The following ESR1 variants were observed in gnomAD, a reference collection of about 807,000 sequenced individuals.
ESR1 encodes the protein estrogen receptor.
ESR1 carries 12 observed loss-of-function variants against 52.7 expected under a neutral mutation model. The ratio of observed to expected loss-of-function variants is 0.23; its 90% CI spans 0.15 to 0.37. The LOEUF (loss-of-function observed/expected upper bound fraction) is 0.37, where lower values mean the gene tolerates loss of function less well. Ranked by LOEUF, ESR1 falls within the 10% of genes least tolerant of loss-of-function variation. The pLI, the probability that ESR1 is intolerant of heterozygous loss-of-function variation, is 1.00. For synonymous variants in ESR1, 305 were observed against 316.8 expected (o/e 0.96, Z 0.39); for missense variants, 584 against 779.7 (o/e 0.75, Z 2.99).
At chr6:151,914,040 T>C (rs1463528694) in intron 3 of ESR1, among the ~76,000 whole-genome samples, 2 of 152,174 alleles carry the variant, frequency 1.3e-5, no homozygotes, top group Non-Finnish European at 2.9e-5. Flanking sequence ...TCAGGATCTC[T>C]GTGTTCTATT....
At chr6:151,766,124 C>T (rs1019886387) in intron 2 of ESR1, among the ~76,000 whole-genome samples, 2 of 152,122 alleles carry the variant, frequency 1.3e-5, no homozygotes, top group Non-Finnish European at 2.9e-5. Flanking sequence ...AAGAAATTAA[C>T]AATAAAATAT....
At chr6:151,821,821 G>A (rs6917746) in intron 1 of ESR1, among the ~76,000 whole-genome samples, 34,408 of 152,050 alleles carry the variant, frequency 0.23, 4,897 homozygotes, top group African/African-American at 0.41. Flanking sequence ...GACTAAGCCC[G>A]ATGTTGGTTA....
intron 3 of ESR1, among the ~76,000 whole-genome samples, chr6:151,904,802 C>A (rs920560773): frequency 2.6e-5 from 4 of 152,044 alleles, no homozygotes; most frequent in African/African-American, 9.7e-5. Context: ...GGAATTGATT[C>A]GTTTCACGTG....
rs1451609958 is a variant in ESR1, at chr6:152,094,301, T to C, written c.1370-84T>C. 4.2e-6 allele frequency: 5 copies of C among 1,197,120 alleles called. No homozygotes were observed. Among genetic ancestry groups the C allele is most frequent in the Admixed American group, 1.7e-5 (1 of 59,402 alleles). The allele number at this position is 1,197,120 out of a possible 1,614,324, so 74.2% of individuals were successfully genotyped here. On this transcript the variant is annotated intron_variant, in intron 6 of 7. Coordinates refer to ENST00000206249, the MANE Select transcript of ESR1 (RefSeq NM_000125.4). The surrounding 1 kb of genome is among the most constrained non-coding windows in gnomAD (Gnocchi z 4.6). ...TGTGCTGAGGAAGGGCACTGGCTCATTGTTACATCCCATGAACACTCTGGG... is the reference window on the plus strand; with the variant it reads ...TGTGCTGAGGAAGGGCACTGGCTCACTGTTACATCCCATGAACACTCTGGG...
At chr6:152,034,277 T>C (rs1197030786) in intron 5 of ESR1, among the ~76,000 whole-genome samples, 1 of 125,914 alleles carries the variant, frequency 7.9e-6, no homozygotes, top group African/African-American at 3.0e-5. Context: ...ACCCTAAAAC[T>C]TAAAGTACAA....
chr6:152,096,724 A>G (rs1228860586), intron 7 of ESR1: 3 of 455,810 alleles, frequency 6.6e-6, no homozygotes, highest in Middle Eastern at 3.2e-4. Context: ...AGGTGACTGC[A>G]TTCAGAGTAT....
At chr6:151,769,955 G>C (rs1785374473) in intron 2 of ESR1, among the ~76,000 whole-genome samples, 2 of 151,778 alleles carry the variant, frequency 1.3e-5, no homozygotes, top group Non-Finnish European at 2.9e-5. Context: ...TTGAATCCGG[G>C]AGGTGAAGGT....
intron 2 of ESR1, among the ~76,000 whole-genome samples, chr6:151,725,145 C>T (rs990886938): frequency 6.6e-6 from 1 of 152,228 alleles, no homozygotes; most frequent in African/African-American, 2.4e-5. Flanking sequence ...TCTCCCACCT[C>T]TGGCCTCTGA....
intron 4 of ESR1, among the ~76,000 whole-genome samples, chr6:151,972,387 G>C (rs895844880): frequency 1.3e-5 from 2 of 152,106 alleles, no homozygotes; most frequent in Admixed American, 1.3e-4. Context: ...GATAAATATA[G>C]ATGCAAAAAT....
At chr6:151,786,977 T>C (rs911199381) in intron 2 of ESR1, among the ~76,000 whole-genome samples, 2 of 152,128 alleles carry the variant, frequency 1.3e-5, no homozygotes, top group African/African-American at 4.8e-5. Context: ...ACCTGGCTAA[T>C]TTTTGTATTT....
chr6:152,116,343 A>T (rs1328334884), intron 6 of ESR1, among the ~76,000 whole-genome samples: 1 of 152,226 alleles, frequency 6.6e-6, no homozygotes, highest in African/African-American at 2.4e-5. Context: ...TGGTTGAAAA[A>T]GAGATACTGA....
At chr6:151,815,508 G>T (rs776035606) in intron 1 of ESR1, among the ~76,000 whole-genome samples, 4 of 152,272 alleles carry the variant, frequency 2.6e-5, no homozygotes, top group Non-Finnish European at 4.4e-5. Context: ...TCAGGGACAT[G>T]GTTTGCTTCA....
At chr6:152,036,824 T>C (rs895616186) in intron 5 of ESR1, among the ~76,000 whole-genome samples, 3 of 152,218 alleles carry the variant, frequency 2.0e-5, no homozygotes, top group Non-Finnish European at 2.9e-5. Flanking sequence ...AAGGGCTTCA[T>C]TAGCTTTCTG....
chr6:151,947,727 G>A (rs937323482), intron 4 of ESR1, among the ~76,000 whole-genome samples: 7 of 152,160 alleles, frequency 4.6e-5, no homozygotes, highest in South Asian at 4.1e-4. Context: ...AAGTGTGAGA[G>A]TCAAGTTCCA....
intron 4 of ESR1, among the ~76,000 whole-genome samples, chr6:151,985,243 T>C (rs2040346345): frequency 6.6e-6 from 1 of 152,000 alleles, no homozygotes. Flanking sequence ...TGGTGGCTTA[T>C]GCCTGTAATC....
At chr6:152,084,020 C>T (rs1361002225) in intron 6 of ESR1, among the ~76,000 whole-genome samples, 2 of 152,154 alleles carry the variant, frequency 1.3e-5, no homozygotes, top group Non-Finnish European at 2.9e-5. Context: ...TTGGAACCAA[C>T]CCAAATGTCC....
intron 5 of ESR1, among the ~76,000 whole-genome samples, chr6:152,032,109 C>G (rs1429450276): frequency 6.6e-6 from 1 of 152,164 alleles, no homozygotes; most frequent in Non-Finnish European, 1.5e-5. Context: ...GCTAAAAACT[C>G]TCAATAAATT....
At chr6:151,674,373 A>G (rs1778181300) in intron 1 of ESR1, among the ~76,000 whole-genome samples, 1 of 152,036 alleles carries the variant, frequency 6.6e-6, no homozygotes, top group Admixed American at 6.5e-5. Context: ...ATTCTTTTTT[A>G]TGGTTGCATA....
intron 3 of ESR1, among the ~76,000 whole-genome samples, chr6:151,899,995 G>A (rs1273399534): frequency 1.3e-5 from 2 of 152,192 alleles, no homozygotes; most frequent in African/African-American, 4.8e-5. Context: ...AGACGGGGTG[G>A]CCCCGGGCAG....
Sources: allele counts gnomAD v4.1 joint callset (sites outside exome capture counted in the v4.1 genomes callset), GRCh38; gene constraint gnomAD v4.1.1; non-coding constraint Gnocchi (gnomAD v3.1); transcripts MANE v1.5; gene names NCBI Gene and HGNC (gene_info 2026-07-23, HGNC 2026-07-21).